Variants in TMEM222 observed in about 807,000 individuals in gnomAD.
TMEM222 encodes the protein chromosome 1 open reading frame 160.
Under a neutral mutation model 25.1 loss-of-function variants are expected in TMEM222, and 18 were observed. The observed-to-expected ratio is 0.72, with a 90% CI of 0.50 to 1.06. TMEM222 has a LOEUF of 1.06. Ranked by LOEUF, TMEM222 falls within the 50% of genes least tolerant of loss-of-function variation. The pLI is 0.00. For synonymous variants in TMEM222, 131 were observed against 117.9 expected (o/e 1.11, Z -0.72); for missense variants, 296 against 293.7 (o/e 1.01, Z -0.06).
rs765061038 is a variant in TMEM222, at chr1:27,334,276, C to G, written c.534C>G (p.Tyr178Ter). 6.2e-7 allele frequency: 1 copy of G among 1,614,174 alleles called. No homozygotes were observed. Among genetic ancestry groups the G allele is most frequent in the Admixed American group, 1.7e-5 (1 of 60,034 alleles). ...LCFFCLLYGKYVSVGAFVKTW... is the reference protein window; with the variant it reads ...LCFFCLLYGK The stretch of plus-strand genomic sequence containing the variant: ...TCTTCTGCCTGCTCTACGGGAAGTA[C>G]GTCAGGTGAGCTGCCCTCCTGCCTG... Residue 178 changes from tyrosine (Y) to a stop codon, truncating the protein, a stop_gained, in exon 5 of 6, where the codon TAC becomes TAG. Coordinates refer to ENST00000374076, the MANE Select transcript of TMEM222 (RefSeq NM_032125.3). LOFTEE classifies it high-confidence loss of function.
In TMEM222 at chr1:27,334,000, C is replaced by T. The variant is rs1361091778; in HGVS notation, c.354C>T (p.Pro118=). 1 of 1,614,176 alleles carries T rather than the reference C, an allele frequency of 6.2e-7. No individual in the cohort carries two copies. The highest frequency in any genetic ancestry group is 1.1e-5 in the South Asian group (1 of 91,082). ...CTGCTCAGGTCTATGCTAGCGGGCC[C>T]AACGCATGGGACACGGCTGTGCACG... is the stretch of plus-strand genomic sequence containing the variant. ...LDPAQVYASG[P]NAWDTAVHDA... Residue 118 remains proline (P), a synonymous_variant, in exon 4 of 6, where the codon CCC becomes CCT. Transcript: ENST00000374076.
At chr1:27,334,986 A>G (rs1249560239) in intron 5 of TMEM222, 1 of 325,380 alleles carries the variant, frequency 3.1e-6, no homozygotes, top group African/African-American at 2.1e-5. Flanking sequence ...AGTAGTCCCC[A>G]TTATGAAGTC....
chr1:27,334,602 T>C, intron 5 of TMEM222: 2 of 1,444,380 alleles, frequency 1.4e-6, no homozygotes, highest in Non-Finnish European at 1.8e-6. Flanking sequence ...TCAGGGAGGC[T>C]TCTACGGATC....
chr1:27,329,973 A>T (rs993536220), intron 1 of TMEM222, among the ~76,000 whole-genome samples: 1 of 152,172 alleles, frequency 6.6e-6, no homozygotes, highest in East Asian at 1.9e-4. Flanking sequence ...ATGGTGGTGC[A>T]CTCCTGTAGT....
chr1:27,333,168 T>C, intron 3 of TMEM222: 1 of 376,348 alleles, frequency 2.7e-6, no homozygotes, highest in South Asian at 1.9e-5. Flanking sequence ...CACCTGCATC[T>C]CCAGCCTTAG....
intron 5 of TMEM222, chr1:27,334,670 C>G (rs2014563188): frequency 7.1e-7 from 1 of 1,408,400 alleles, no homozygotes; most frequent in Non-Finnish European, 9.4e-7. Context: ...CCCACAGGTC[C>G]CTTCCTAGGC....
In TMEM222 at chr1:27,322,194, C is replaced by G. The variant is rs543187984; in HGVS notation, c.-4C>G. On this transcript the variant is annotated 5_prime_UTR_variant, in exon 1 of 6. Transcript: ENST00000374076. The stretch of plus-strand genomic sequence containing the variant: ...GGGGCCAGTCGGAGCGGGGCGCGCG[C>G]CGCATGGCGGAAGCGGAAGGGAGTT... 7.3e-5 allele frequency: 101 copies of G among 1,389,386 alleles called. No homozygotes were observed. The highest frequency in any genetic ancestry group is 8.9e-5 in the Non-Finnish European group (94 of 1,061,042). The allele number at this position is 1,389,386 out of a possible 1,614,324, so 86.1% of individuals were successfully genotyped here.
chr1:27,328,038 A>G (rs2014394710), intron 1 of TMEM222, among the ~76,000 whole-genome samples: 1 of 152,262 alleles, frequency 6.6e-6, no homozygotes, highest in Non-Finnish European at 1.5e-5. Context: ...CTTATGTTCT[A>G]GTGGAGAGAC....
At chr1:27,323,409 A>G (rs1433765199) in intron 1 of TMEM222, among the ~76,000 whole-genome samples, 1 of 152,232 alleles carries the variant, frequency 6.6e-6, no homozygotes, top group African/African-American at 2.4e-5. Context: ...TAGTTTTTGA[A>G]TTATGTTAAA....
chr1:27,332,687 G>T (rs2014509818), intron 3 of TMEM222: 1 of 614,314 alleles, frequency 1.6e-6, no homozygotes, highest in African/African-American at 1.8e-5. Flanking sequence ...TGTTGCCCAA[G>T]GCTGCACTGG....
At chr1:27,332,275 C>G in intron 3 of TMEM222, 174 bp downstream of exon 3, 1 of 736,174 alleles carries the variant, frequency 1.4e-6, no homozygotes, top group South Asian at 1.5e-5. Context: ...GAGTGTGTAC[C>G]GCACCAGCCC....
chr1:27,331,992 A>C, intron 2 of TMEM222, 78 bp from the exon 3 acceptor site: 1 of 1,467,302 alleles, frequency 6.8e-7, no homozygotes, highest in Admixed American at 1.7e-5. Flanking sequence ...AAGTCACTGC[A>C]CTTCTGCCAC....
chr1:27,322,559 C>T (rs2148010461), intron 1 of TMEM222, among the ~76,000 whole-genome samples, 168 bp downstream of exon 1: 1 of 152,354 alleles, frequency 6.6e-6, no homozygotes, highest in East Asian at 1.9e-4. Context: ...CCAGTTTGTG[C>T]ACACGGCTGG....
At chr1:27,332,487 G>A in intron 3 of TMEM222, 3 of 718,206 alleles carry the variant, frequency 4.2e-6, no homozygotes, top group Non-Finnish European at 7.8e-6. Context: ...AGGCATGGAA[G>A]GTAGAAGAGA....
intron 5 of TMEM222, chr1:27,334,788 C>T: frequency 8.9e-7 from 1 of 1,120,768 alleles, no homozygotes; most frequent in Non-Finnish European, 1.1e-6. Context: ...TCCAAGCTTT[C>T]CTCTTAGCCA....
intron 1 of TMEM222, among the ~76,000 whole-genome samples, chr1:27,329,683 G>A (rs2014433066): frequency 1.3e-5 from 2 of 152,174 alleles, no homozygotes; most frequent in Non-Finnish European, 2.9e-5. Context: ...ATAATAAAAT[G>A]TACACATTTT....
intron 5 of TMEM222, 140 bp from the exon 6 acceptor site, chr1:27,335,239 G>T (rs2014576792): frequency 6.3e-6 from 5 of 795,740 alleles, no homozygotes; most frequent in Non-Finnish European, 8.4e-6. Flanking sequence ...TCCTTGATTG[G>T]CCAAGTTTGG....
rs771005819 is a variant in TMEM222, at chr1:27,322,304, A to G, written c.107A>G (p.Gln36Arg). Residue 36 changes from glutamine to arginine, a missense_variant, in exon 1 of 6, where the codon CAA becomes CGA. Physicochemically the swap from Gln to Arg is conservative, Grantham distance 43. Coordinates refer to ENST00000374076, the MANE Select transcript of TMEM222 (RefSeq NM_032125.3). ...ACGGCGGCCGAGACGGACATGAAGCAATATCAAGGCTCCGGCGGCGTCGCC... is the reference window on the plus strand; with the variant it reads ...ACGGCGGCCGAGACGGACATGAAGCGATATCAAGGCTCCGGCGGCGTCGCC... ...APTAAETDMK[Q>R]YQGSGGVAMD... 4 of 1,563,324 alleles carry G rather than the reference A, an allele frequency of 2.6e-6. No individual in the cohort carries two copies. In the Admixed American group the frequency reaches 7.2e-5, roughly 28 times the overall value.
At chr1:27,332,835 CT>C in intron 3 of TMEM222, 1 of 388,800 alleles carries the variant, frequency 2.6e-6, no homozygotes, top group Non-Finnish European at 4.8e-6. Context: ...CAGGTGTTCG[CT>C]GCCAGACTGC....
Sources: allele counts gnomAD v4.1 joint callset (sites outside exome capture counted in the v4.1 genomes callset), GRCh38; gene constraint gnomAD v4.1.1; transcripts MANE v1.5; gene names NCBI Gene and HGNC (gene_info 2026-07-23, HGNC 2026-07-21).